Variants in TBC1D22A observed in about 807,000 individuals in gnomAD.
TBC1D22A encodes putative GTPase activator.
Under a neutral mutation model 60.2 loss-of-function variants are expected in TBC1D22A, and 38 were observed. The ratio of observed to expected loss-of-function variants is 0.63; its 90% CI spans 0.49 to 0.83. The LOEUF (loss-of-function observed/expected upper bound fraction) is 0.83, where lower values mean the gene tolerates loss of function less well. Ranked by LOEUF, TBC1D22A falls within the 40% of genes least tolerant of loss-of-function variation. The pLI is 0.00. For synonymous variants in TBC1D22A, 302 were observed against 281.7 expected (o/e 1.07, Z -0.72); for missense variants, 628 against 701.0 (o/e 0.90, Z 1.18).
chr22:47,028,350 C>CG lies in TBC1D22A; in HGVS notation c.1202-8719dup, dbSNP rs2062332076. On this transcript the variant is annotated intron_variant, in intron 10 of 12. Transcript: ENST00000337137. The surrounding 1 kb of genome is among the most constrained non-coding windows in gnomAD (Gnocchi z 4.4). ...CCTGTCCCTCGGTCCCTGTCCCCCACGGCCCAGGTTCTGAGAGTGAGTGGT... is the reference window on the plus strand; with the variant it reads ...CCTGTCCCTCGGTCCCTGTCCCCCACGGGCCCAGGTTCTGAGAGTGAGTGGT... 6.6e-6 allele frequency among the ~76,000 whole-genome samples: 1 copy of CG among 151,446 alleles called. No homozygotes were observed. Among genetic ancestry groups the CG allele is most frequent in the Non-Finnish European group, 1.5e-5 (1 of 67,952 alleles).
intron 12 of TBC1D22A, among the ~76,000 whole-genome samples, chr22:47,124,094 G>T (rs1018715767): frequency 1.3e-5 from 2 of 152,232 alleles, no homozygotes; most frequent in East Asian, 1.9e-4. Context: ...CCGAAGAGGG[G>T]TCCTTGTGTG....
chr22:46,971,067 T>C (rs1320183780), intron 8 of TBC1D22A, among the ~76,000 whole-genome samples: 1 of 152,168 alleles, frequency 6.6e-6, no homozygotes, highest in East Asian at 1.9e-4. Context: ...ATAAGGGTAA[T>C]TCCAATTCTC....
chr22:47,003,222 C>G (rs1049598597), intron 10 of TBC1D22A, among the ~76,000 whole-genome samples: 7 of 152,052 alleles, frequency 4.6e-5, no homozygotes, highest in African/African-American at 1.5e-4. Flanking sequence ...TTCACTGATT[C>G]TTCTGTATTT....
intron 8 of TBC1D22A, among the ~76,000 whole-genome samples, chr22:46,950,404 T>A (rs1290495366): frequency 1.3e-5 from 2 of 152,158 alleles, no homozygotes; most frequent in African/African-American, 4.8e-5. Flanking sequence ...CATTCAACAC[T>A]CTTAGTCAAA....
At chr22:46,786,741 C>T (rs966665810) in intron 1 of TBC1D22A, among the ~76,000 whole-genome samples, 11 of 152,156 alleles carry the variant, frequency 7.2e-5, no homozygotes, top group Middle Eastern at 3.4e-3. Flanking sequence ...CACACTTAAG[C>T]GCAGTAGTGC....
At chr22:47,008,172 G>A (rs745969315) in intron 10 of TBC1D22A, among the ~76,000 whole-genome samples, 9 of 152,174 alleles carry the variant, frequency 5.9e-5, no homozygotes, top group Non-Finnish European at 1.0e-4. Context: ...TGAAATGGCC[G>A]TTAAGGACTT....
At chr22:47,064,952 G>T (rs1569410800) in intron 11 of TBC1D22A, among the ~76,000 whole-genome samples, 1 of 152,050 alleles carries the variant, frequency 6.6e-6, no homozygotes, top group African/African-American at 2.4e-5. Flanking sequence ...ATGTATCAAG[G>T]TTTTTAAAAA....
chr22:47,056,192 G>A (rs947288705), intron 11 of TBC1D22A, among the ~76,000 whole-genome samples: 6 of 152,016 alleles, frequency 3.9e-5, no homozygotes, highest in Non-Finnish European at 7.4e-5. Context: ...GCTGGGTAAC[G>A]CTCCACACTG....
intron 8 of TBC1D22A, among the ~76,000 whole-genome samples, chr22:46,973,246 G>A (rs1225284834): frequency 6.6e-6 from 1 of 151,752 alleles, no homozygotes; most frequent in East Asian, 1.9e-4. Flanking sequence ...AGGTGGGGCT[G>A]CATCTGGCAC....
At chr22:47,075,412 G>A (rs2064166090) in intron 11 of TBC1D22A, among the ~76,000 whole-genome samples, 1 of 152,076 alleles carries the variant, frequency 6.6e-6, no homozygotes. Flanking sequence ...GCCAGGTGAG[G>A]GGGCCCATGC....
intron 5 of TBC1D22A, among the ~76,000 whole-genome samples, chr22:46,888,661 A>G (rs1287024074): frequency 6.6e-6 from 1 of 152,190 alleles, no homozygotes; most frequent in Non-Finnish European, 1.5e-5. Flanking sequence ...TGAGAAAGAC[A>G]TGGCCAGGCA....
chr22:47,124,674 C>T (rs1031391824), intron 12 of TBC1D22A, among the ~76,000 whole-genome samples: 1 of 152,128 alleles, frequency 6.6e-6, no homozygotes, highest in Non-Finnish European at 1.5e-5. Context: ...GTCCCAGAGG[C>T]AGGGCTTGGG....
chr22:46,880,319 C>T (rs1276096181), intron 5 of TBC1D22A, among the ~76,000 whole-genome samples: 2 of 152,148 alleles, frequency 1.3e-5, no homozygotes. Flanking sequence ...CCAAAGGAGG[C>T]AAATCAGGTG....
chr22:46,900,670 T>C (rs1042963624), intron 7 of TBC1D22A, among the ~76,000 whole-genome samples: 2 of 152,210 alleles, frequency 1.3e-5, no homozygotes, highest in African/African-American at 4.8e-5. Flanking sequence ...GTGTCTTCTT[T>C]TACTTAGTGT....
rs548490280 is a variant in TBC1D22A at position 47,167,682 on chromosome 22, T to G, written c.1426-5816T>G. Among the ~76,000 whole-genome samples, 4 of 152,302 alleles carry G rather than the reference T, an allele frequency of 2.6e-5. No homozygotes were observed. In the South Asian group the frequency reaches 8.3e-4, roughly 32 times the overall value. ...AAAGCAGGGTGGCCATCTGTGAGGG[T>G]AAGTCCAGGGTTTTTATGGGCTTTG... is the stretch of plus-strand genomic sequence containing the variant. On this transcript the variant is annotated intron_variant, in intron 12 of 12. Transcript: ENST00000337137.
intron 1 of TBC1D22A, among the ~76,000 whole-genome samples, chr22:46,780,621 C>T (rs992156185): frequency 2.6e-5 from 4 of 152,226 alleles, no homozygotes; most frequent in African/African-American, 9.6e-5. Context: ...TTGACTCTGA[C>T]TTGTCTCTTC....
chr22:47,037,113 T>C lies in TBC1D22A; in HGVS notation c.1244T>C (p.Leu415Pro). 1.2e-6 allele frequency: 2 copies of C among 1,613,980 alleles called. No individual in the cohort carries two copies. Among genetic ancestry groups the C allele is most frequent in the Non-Finnish European group, 1.7e-6 (2 of 1,179,882 alleles). ...RHLDQHEVRYLQFAFRWMNNL... is the reference protein window; with the variant it reads ...RHLDQHEVRYPQFAFRWMNNL... ...CTGGACCAACACGAAGTGAGATACC[T>C]GCAGTTTGCCTTCCGCTGGATGAAC... Residue 415 changes from leucine (L) to proline (P), a missense_variant, in exon 11 of 13, where the codon CTG becomes CCG. Physicochemically the swap from Leu to Pro is moderately conservative, Grantham distance 98. Coordinates refer to ENST00000337137, the MANE Select transcript of TBC1D22A (RefSeq NM_014346.5).
Position 47,009,605 on chromosome 22 carries a change from CCAT to C in TBC1D22A, c.1201+11903_1201+11905del, listed in dbSNP as rs1368636050. 1.3e-5 allele frequency among the ~76,000 whole-genome samples: 2 copies of C among 151,896 alleles called. No homozygotes were observed. The highest frequency in any genetic ancestry group is 2.9e-5 in the Non-Finnish European group (2 of 67,980). ...CACCATCACCATCATTCTGTCATCA[CCAT>C]CATCATTACTATCACCATCATTTCA... On this transcript the variant is annotated intron_variant, in intron 10 of 12. Coordinates refer to ENST00000337137, the MANE Select transcript of TBC1D22A (RefSeq NM_014346.5). The surrounding 1 kb of genome is among the most constrained non-coding windows in gnomAD (Gnocchi z 5.8).
rs565247647 is a variant in TBC1D22A, at chr22:46,883,298, AT to A, written c.708+4576del. Among the ~76,000 whole-genome samples, 14 of 152,392 alleles carry A rather than the reference AT, an allele frequency of 9.2e-5. No homozygotes were observed. The South Asian group carries it at 2.7e-3, about 29-fold the overall frequency. On this transcript the variant is annotated intron_variant, in intron 5 of 12. Transcript: ENST00000337137. ...ACCGGGACAATTTAGATATAAGTAT[AT>A]GCATGCATTGTTTTACATTTATGAT...
Sources: gnomAD v4.1 joint callset for allele counts (sites outside exome capture counted in the v4.1 genomes callset) on GRCh38, gnomAD v4.1.1 for gene constraint, Gnocchi (gnomAD v3.1) non-coding constraint, MANE v1.5 for transcripts, NCBI Gene and HGNC (gene_info 2026-07-23, HGNC 2026-07-21) for gene names.